The following ADAMTS12 variants were observed in gnomAD, a reference collection of about 807,000 sequenced individuals.
The protein encoded by ADAMTS12 is ADAM metallopeptidase with thrombospondin type 1 motif 12, also known as A disintegrin and metalloproteinase with thrombospondin motifs 12.
A neutral mutation model predicts 167.8 loss-of-function variants in ADAMTS12; 118 were observed. The ratio of observed to expected loss-of-function variants is 0.70; its 90% CI spans 0.61 to 0.82. The LOEUF is 0.82. ADAMTS12 is among the 40% of genes least tolerant of loss of function. The pLI is 0.00. For synonymous variants in ADAMTS12, 704 were observed against 716.9 expected, an observed-to-expected ratio of 0.98 and a Z score of 0.29; for missense variants, 1,916 against 1,998.8, an observed-to-expected ratio of 0.96 and a Z score of 0.79.
intron 3 of ADAMTS12, among the ~76,000 whole-genome samples, chr5:33,688,979 C>T (rs923168262): frequency 6.6e-6 from 1 of 152,168 alleles, no homozygotes; most frequent in African/African-American, 2.4e-5. Context: ...TTGATCTTCT[C>T]CAGCCTACAC....
intron 2 of ADAMTS12, among the ~76,000 whole-genome samples, chr5:33,768,776 C>G (rs1745638019): frequency 6.6e-6 from 1 of 152,062 alleles, no homozygotes; most frequent in African/African-American, 2.4e-5. Flanking sequence ...AGAAACTACT[C>G]ATATTGTTAC....
At chr5:33,889,606 T>C (rs1259192913) in intron 1 of ADAMTS12, among the ~76,000 whole-genome samples, 1 of 152,206 alleles carries the variant, frequency 6.6e-6, no homozygotes, top group Non-Finnish European at 1.5e-5. Flanking sequence ...CAAATGTGGA[T>C]TATTTGTAAA....
chr5:33,796,434 A>G (rs780720774), intron 2 of ADAMTS12, among the ~76,000 whole-genome samples: 1 of 152,238 alleles, frequency 6.6e-6, no homozygotes, highest in Non-Finnish European at 1.5e-5. Flanking sequence ...ATTTCTTCAT[A>G]CATTTCATTT....
chr5:33,770,835 T>A (rs2112424993), intron 2 of ADAMTS12, among the ~76,000 whole-genome samples: 1 of 149,576 alleles, frequency 6.7e-6, no homozygotes, highest in East Asian at 1.9e-4. Flanking sequence ...CTTCTTCCTC[T>A]TCCCCTCCTC....
At chr5:33,646,260 G>A (rs907816861) in intron 9 of ADAMTS12, among the ~76,000 whole-genome samples, 2 of 152,078 alleles carry the variant, frequency 1.3e-5, no homozygotes, top group Non-Finnish European at 2.9e-5. Flanking sequence ...GTGCATCCTT[G>A]AGTCACCAAG....
chr5:33,705,810 A>G (rs1201745237), intron 3 of ADAMTS12, among the ~76,000 whole-genome samples: 1 of 151,350 alleles, frequency 6.6e-6, no homozygotes, highest in Non-Finnish European at 1.5e-5. Flanking sequence ...CTCTGTTTCA[A>G]AAAATAATAA....
At chr5:33,595,767 T>A (rs1000408767) in intron 17 of ADAMTS12, among the ~76,000 whole-genome samples, 167 bp downstream of exon 17, 5 of 152,364 alleles carry the variant, frequency 3.3e-5, no homozygotes, top group African/African-American at 1.2e-4. Flanking sequence ...CCTCACAGCT[T>A]GCCACAGGCT....
chr5:33,768,927 A>C (rs1215281322), intron 2 of ADAMTS12, among the ~76,000 whole-genome samples: 1 of 151,850 alleles, frequency 6.6e-6, no homozygotes, highest in African/African-American at 2.4e-5. Flanking sequence ...AGGGGAATTA[A>C]GGTTGCAGAT....
chr5:33,690,592 C>T (rs1742514574), intron 3 of ADAMTS12, among the ~76,000 whole-genome samples: 1 of 151,982 alleles, frequency 6.6e-6, no homozygotes, highest in Non-Finnish European at 1.5e-5. Flanking sequence ...ATGACTCTTC[C>T]CAAAATACCA....
chr5:33,567,310 T>C (rs1746063358), intron 19 of ADAMTS12, among the ~76,000 whole-genome samples: 1 of 152,250 alleles, frequency 6.6e-6, no homozygotes, highest in African/African-American at 2.4e-5. Context: ...TTTCAGACCT[T>C]ATTGCCATTA....
At chr5:33,552,544 C>T (rs1745294557) in intron 20 of ADAMTS12, among the ~76,000 whole-genome samples, 1 of 152,212 alleles carries the variant, frequency 6.6e-6, no homozygotes, top group African/African-American at 2.4e-5. Context: ...GAAGGAATTC[C>T]TTTCCAGCCT....
chr5:33,786,053 C>T (rs1480503125), intron 2 of ADAMTS12, among the ~76,000 whole-genome samples: 1 of 152,130 alleles, frequency 6.6e-6, no homozygotes, highest in African/African-American at 2.4e-5. Context: ...GTGAAAGAAA[C>T]CAGATACAAA....
chr5:33,799,002 C>T (rs1309567317), intron 2 of ADAMTS12, among the ~76,000 whole-genome samples: 2 of 152,140 alleles, frequency 1.3e-5, no homozygotes, highest in African/African-American at 4.8e-5. Context: ...ACAACTTTTT[C>T]TACCTGGAGC....
chr5:33,562,307 C>T (rs568996648), intron 19 of ADAMTS12, among the ~76,000 whole-genome samples: 4 of 152,132 alleles, frequency 2.6e-5, no homozygotes, highest in Non-Finnish European at 5.9e-5. Flanking sequence ...CAGCTCATTC[C>T]CCTCAAAGTG....
At chr5:33,697,250 T>C in intron 3 of ADAMTS12, among the ~76,000 whole-genome samples, 1 of 152,226 alleles carries the variant, frequency 6.6e-6, no homozygotes, top group East Asian at 1.9e-4. Flanking sequence ...CTCAAGATGT[T>C]CTCTCATTTA....
At position 33,648,938 on chromosome 5, in the gene ADAMTS12, T is replaced by A. The variant is rs1225447839; in HGVS notation, c.1363A>T (p.Ile455Leu). 3.1e-6 allele frequency: 5 copies of A among 1,614,060 alleles called. No individual in the cohort carries two copies. The highest frequency in any genetic ancestry group is 3.4e-6 in the Non-Finnish European group (4 of 1,179,946). ...GACTTCAAGCCTTTCTTTTTAGGTATGTCATCAAGACAGAACCCCCAGCCT... is the reference window on the plus strand; with the variant it reads ...GACTTCAAGCCTTTCTTTTTAGGTAAGTCATCAAGACAGAACCCCCAGCCT... ...DRGWGFCLDD[I>L]PKKKGLKSKV... Residue 455 changes from isoleucine to leucine, a missense_variant, in exon 9 of 24, where the codon ATA (isoleucine) becomes TTA (leucine). Ile to Leu is a conservative substitution (Grantham distance 5). Transcript: ENST00000504830.
At chr5:33,713,720 C>T (rs1298911056) in intron 3 of ADAMTS12, among the ~76,000 whole-genome samples, 1 of 152,068 alleles carries the variant, frequency 6.6e-6, no homozygotes, top group African/African-American at 2.4e-5. Flanking sequence ...CATATTCTGT[C>T]GATTCACTTG....
At chr5:33,666,011 A>G (rs1741451705) in intron 5 of ADAMTS12, among the ~76,000 whole-genome samples, 1 of 152,262 alleles carries the variant, frequency 6.6e-6, no homozygotes, top group African/African-American at 2.4e-5. Context: ...GCGTATCCCA[A>G]GTAACCAACG....
chr5:33,860,064 A>C (rs185502420), intron 2 of ADAMTS12, among the ~76,000 whole-genome samples: 1 of 152,298 alleles, frequency 6.6e-6, no homozygotes, highest in Non-Finnish European at 1.5e-5. Context: ...AAAAACCAGC[A>C]CAAAAAGGCT....
Sources: gnomAD v4.1 joint callset for allele counts (sites outside exome capture counted in the v4.1 genomes callset) on GRCh38, gnomAD v4.1.1 for gene constraint, MANE v1.5 for transcripts, NCBI Gene and HGNC (gene_info 2026-07-23, HGNC 2026-07-21) for gene names.